DSE: variants seen among roughly 807,000 people sequenced by gnomAD.
The protein encoded by DSE is dermatan sulfate epimerase.
In DSE, 36 loss-of-function variants were observed where a neutral mutation model predicts 84.4. The observed-to-expected ratio is 0.43, with a 90% CI of 0.33 to 0.56. The LOEUF (loss-of-function observed/expected upper bound fraction) is 0.56, where lower values mean the gene tolerates loss of function less well. Among genes scored for constraint, DSE ranks in the 20% least tolerant of loss-of-function variants. DSE has a pLI of 0.06. For missense variants in DSE, 862 were observed against 1,169.6 expected (o/e 0.74, Z 3.84); for synonymous variants, 410 against 430.1 (o/e 0.95, Z 0.58).
chr6:116,320,874 G>T (rs1217240599), intron 2 of DSE, among the ~76,000 whole-genome samples: 1 of 152,094 alleles, frequency 6.6e-6, no homozygotes, highest in African/African-American at 2.4e-5. Context: ...AACATTCTAA[G>T]GTACTAGGGC....
intron 1 of DSE, among the ~76,000 whole-genome samples, chr6:116,384,424 C>T (rs1035438661): frequency 3.3e-5 from 5 of 152,068 alleles, no homozygotes; most frequent in East Asian, 3.8e-4. Context: ...AATGGGATGG[C>T]GAAAGTTGGG....
chr6:116,352,722 A>C (rs1778372669), intron 2 of DSE, among the ~76,000 whole-genome samples: 1 of 152,136 alleles, frequency 6.6e-6, no homozygotes. Context: ...CTGAGAGTTT[A>C]CTCATTCCAA....
chr6:116,402,472 T>G (rs576165978), intron 2 of DSE, among the ~76,000 whole-genome samples: 8 of 152,204 alleles, frequency 5.3e-5, no homozygotes, highest in Non-Finnish European at 1.0e-4. Context: ...ATAGGGTTGC[T>G]AGGAAGATTA....
intron 1 of DSE, among the ~76,000 whole-genome samples, chr6:116,381,427 C>CT (rs1780218949): frequency 6.6e-6 from 1 of 152,050 alleles, no homozygotes; most frequent in Non-Finnish European, 1.5e-5. Context: ...AATACAGGCT[C>CT]TTGAGTAGGG....
chr6:116,437,189 G>C lies in DSE; in HGVS notation c.2721G>C (p.Leu907=). ...SASYTRLFLI[L]NIAIFFVMLA... is the part of the protein sequence containing the mutation. ...CCTATACCAGGTTGTTCCTGATTCTGAACATTGCTATTTTCTTTGTCATGT... is the reference window on the plus strand; with the variant it reads ...CCTATACCAGGTTGTTCCTGATTCTCAACATTGCTATTTTCTTTGTCATGT... Residue 907 remains leucine (L), a synonymous_variant, in exon 6 of 6, where the codon CTG becomes CTC. Transcript: ENST00000644252. 4 of 1,614,118 alleles carry C rather than the reference G, an allele frequency of 2.5e-6. No individual in the cohort carries two copies. Among genetic ancestry groups the C allele is most frequent in the Non-Finnish European group, 3.4e-6 (4 of 1,180,012 alleles).
chr6:116,379,433 C>G (rs1460245520), intron 1 of DSE, among the ~76,000 whole-genome samples: 1 of 151,988 alleles, frequency 6.6e-6, no homozygotes, highest in Non-Finnish European at 1.5e-5. Context: ...TTTTGCTGGC[C>G]CCTTTAGTTT....
chr6:116,347,003 G>T (rs1250049749), intron 2 of DSE, among the ~76,000 whole-genome samples: 1 of 152,120 alleles, frequency 6.6e-6, no homozygotes, highest in Non-Finnish European at 1.5e-5. Context: ...AAAATCATGA[G>T]TGAACTCCCA....
At chr6:116,347,867 A>G (rs1312815211) in intron 2 of DSE, among the ~76,000 whole-genome samples, 2 of 152,228 alleles carry the variant, frequency 1.3e-5, no homozygotes, top group Non-Finnish European at 2.9e-5. Flanking sequence ...AACCTACACA[A>G]TGGGAGAAAA....
At chr6:116,369,088 C>T (rs78254089), upstream of DSE, among the ~76,000 whole-genome samples, 1,154 of 152,230 alleles carry the variant, frequency 7.6e-3, 19 homozygotes, top group African/African-American at 0.027. Flanking sequence ...CCTGGTTGTA[C>T]ATTGTGATCA....
chr6:116,322,153 G>A (rs1434392624), intron 2 of DSE, among the ~76,000 whole-genome samples: 1 of 152,086 alleles, frequency 6.6e-6, no homozygotes, highest in Non-Finnish European at 1.5e-5. Flanking sequence ...ACATGTACTG[G>A]TAATTAGATC....
chr6:116,369,926 G>A (rs537912194), upstream of DSE: 2 of 1,289,298 alleles, frequency 1.6e-6, no homozygotes, highest in East Asian at 5.5e-5. Flanking sequence ...TCTAATGAAT[G>A]GGTAAGTATC....
At chr6:116,387,725 C>T (rs1301828839) in intron 1 of DSE, among the ~76,000 whole-genome samples, 2 of 152,100 alleles carry the variant, frequency 1.3e-5, no homozygotes, top group African/African-American at 2.4e-5. Context: ...ACAAAATTAC[C>T]CATAAAATAA....
intron 1 of DSE, among the ~76,000 whole-genome samples, chr6:116,382,607 C>A (rs968674589): frequency 1.3e-5 from 2 of 152,132 alleles, no homozygotes; most frequent in African/African-American, 4.8e-5. Flanking sequence ...TAGTTTCTGT[C>A]TTCTCTAAAT....
chr6:116,427,401 A>G (rs1052580776), intron 3 of DSE, among the ~76,000 whole-genome samples: 6 of 152,232 alleles, frequency 3.9e-5, no homozygotes, highest in Non-Finnish European at 7.3e-5. Context: ...GTAGAAATCT[A>G]TAAATGACTG....
chr6:116,341,672 A>C lies in DSE; in HGVS notation c.-53-57526A>C, dbSNP rs560256073. On this transcript the variant is annotated intron_variant, in intron 2 of 3. Transcript: ENST00000430252. ...TCCATCTTGAATTAATTTTTGTATA[A>C]GGTGTAAGGAAGGCATCCAGTTTCA... 6.6e-5 allele frequency among the ~76,000 whole-genome samples: 10 copies of C among 152,340 alleles called. No individual in the cohort carries two copies. The South Asian group carries it at 2.1e-3, about 32-fold the overall frequency.
At chr6:116,409,522 G>A (rs1782173452) in intron 2 of DSE, among the ~76,000 whole-genome samples, 3 of 152,040 alleles carry the variant, frequency 2.0e-5, no homozygotes, top group African/African-American at 7.2e-5. Flanking sequence ...CTCATGATCC[G>A]CCCACCTTGG....
intron 2 of DSE, among the ~76,000 whole-genome samples, chr6:116,317,290 C>T (rs1230689747): frequency 6.6e-6 from 1 of 152,210 alleles, no homozygotes; most frequent in Non-Finnish European, 1.5e-5. Context: ...GATTTCAGAA[C>T]AGAGCAGCTG....
intron 5 of DSE, among the ~76,000 whole-genome samples, chr6:116,434,662 A>C (rs1381347189): frequency 6.6e-6 from 1 of 152,220 alleles, no homozygotes; most frequent in Non-Finnish European, 1.5e-5. Flanking sequence ...ACTGAGAGTA[A>C]GATGGCCAAT....
chr6:116,321,494 A>C (rs1260052069), intron 2 of DSE, among the ~76,000 whole-genome samples: 1 of 151,868 alleles, frequency 6.6e-6, no homozygotes, highest in Non-Finnish European at 1.5e-5. Flanking sequence ...CTCTTCTTAT[A>C]TTTACAGTTC....
Sources: gnomAD v4.1 joint callset for allele counts (sites outside exome capture counted in the v4.1 genomes callset) on GRCh38, gnomAD v4.1.1 for gene constraint, MANE v1.5 for transcripts, NCBI Gene and HGNC (gene_info 2026-07-23, HGNC 2026-07-21) for gene names.